RABGAP1: variants seen among roughly 807,000 people sequenced by gnomAD.
RABGAP1 encodes the protein rab GTPase-activating protein 1.
In RABGAP1, 23 loss-of-function variants were observed where a neutral mutation model predicts 137.6. The observed-to-expected ratio is 0.17, with a 90% CI of 0.12 to 0.24. The LOEUF is 0.24. Ranked by LOEUF, RABGAP1 falls within the 10% of genes least tolerant of loss-of-function variation. The pLI, the probability that RABGAP1 is intolerant of heterozygous loss-of-function variation, is 1.00. For synonymous variants in RABGAP1, 451 were observed against 450.7 expected (o/e 1.00, Z -0.01); for missense variants, 906 against 1,275.8 (o/e 0.71, Z 4.42).
intron 13 of RABGAP1, among the ~76,000 whole-genome samples, chr9:123,047,909 C>T (rs1457532579): frequency 8.1e-6 from 1 of 124,088 alleles, no homozygotes; most frequent in East Asian, 2.1e-4. Context: ...AGCCATTTTA[C>T]AGCTGCTGGG....
intron 13 of RABGAP1, among the ~76,000 whole-genome samples, chr9:123,026,640 A>G (rs1052828387): frequency 3.3e-5 from 5 of 152,176 alleles, no homozygotes; most frequent in African/African-American, 9.7e-5. Context: ...CTTAATAAGT[A>G]ATCCACAGAG....
intron 2 of RABGAP1, among the ~76,000 whole-genome samples, chr9:122,961,789 A>G (rs1431273256): frequency 6.6e-6 from 1 of 152,234 alleles, no homozygotes; most frequent in Middle Eastern, 3.4e-3. Context: ...TATAGTATGT[A>G]TATAGTATAT....
At chr9:123,041,062 A>T (rs1466908913) in intron 13 of RABGAP1, among the ~76,000 whole-genome samples, 1 of 152,212 alleles carries the variant, frequency 6.6e-6, no homozygotes, top group Non-Finnish European at 1.5e-5. Context: ...TGGGGTGGGC[A>T]CATGTGTATG....
chr9:123,002,223 C>T (rs1483521236), intron 10 of RABGAP1, among the ~76,000 whole-genome samples: 1 of 151,784 alleles, frequency 6.6e-6, no homozygotes, highest in Non-Finnish European at 1.5e-5. Flanking sequence ...ATTGCTTGAA[C>T]CCGGGAGGTG....
chr9:122,994,168 A>G (rs1218528779), intron 6 of RABGAP1, among the ~76,000 whole-genome samples: 1 of 152,190 alleles, frequency 6.6e-6, no homozygotes, highest in Non-Finnish European at 1.5e-5. Context: ...ATACATTCAC[A>G]TGATGTAGTT....
intron 2 of RABGAP1, among the ~76,000 whole-genome samples, chr9:122,960,842 G>A (rs1834814577): frequency 6.6e-6 from 1 of 152,064 alleles, no homozygotes; most frequent in Non-Finnish European, 1.5e-5. Context: ...ATTTTAAAAA[G>A]AAGCAAATGG....
chr9:123,035,115 G>C (rs1588306844), intron 13 of RABGAP1: 1 of 1,614,072 alleles, frequency 6.2e-7, no homozygotes, highest in East Asian at 2.2e-5. Context: ...GGTGTGCGGA[G>C]TCCTGGCACA....
At chr9:123,003,075 C>T (rs1018521524) in intron 10 of RABGAP1, among the ~76,000 whole-genome samples, 3 of 152,162 alleles carry the variant, frequency 2.0e-5, no homozygotes, top group Admixed American at 1.3e-4. Flanking sequence ...CAACTTTTCG[C>T]TGTCTTAAAG....
At chr9:122,966,270 A>G (rs1835137477) in intron 2 of RABGAP1, among the ~76,000 whole-genome samples, 1 of 152,158 alleles carries the variant, frequency 6.6e-6, no homozygotes, top group Admixed American at 6.5e-5. Context: ...CAGGCCTGTA[A>G]TCCCAGCACT....
rs995501448 is a variant in RABGAP1 at position 123,003,109 on chromosome 9, C to T, written c.1374+4343C>T. On this transcript the variant is annotated intron_variant, in intron 10 of 25. Transcript: ENST00000373647. ...AGCATTTAGAACACTGTTAATCTCA[C>T]CCCTTGTAACTTAATAAACTAAATG... 2.0e-5 allele frequency among the ~76,000 whole-genome samples: 3 copies of T among 152,132 alleles called. No homozygotes were observed. In the East Asian group the frequency reaches 5.8e-4, roughly 29 times the overall value.
intron 6 of RABGAP1, among the ~76,000 whole-genome samples, chr9:122,991,108 G>A (rs1836702032): frequency 6.6e-6 from 1 of 151,662 alleles, no homozygotes; most frequent in African/African-American, 2.4e-5. Flanking sequence ...TGGAATAGAA[G>A]TCAAAACTTA....
intron 13 of RABGAP1, among the ~76,000 whole-genome samples, chr9:123,030,186 C>G (rs895365897): frequency 4.0e-5 from 6 of 151,168 alleles, no homozygotes; most frequent in Non-Finnish European, 7.4e-5. Flanking sequence ...GAGGTTTTAA[C>G]TGACATTTTG....
intron 21 of RABGAP1, among the ~76,000 whole-genome samples, chr9:123,091,833 T>C (rs182819987): frequency 1.3e-5 from 2 of 151,946 alleles, no homozygotes; most frequent in Admixed American, 1.3e-4. Context: ...CAGGGTTGAG[T>C]TTCCTCCTTA....
chr9:122,990,799 ATATATATATATAT>A (rs1836676910), intron 6 of RABGAP1: 13 of 41,798 alleles, frequency 3.1e-4, no homozygotes, highest in African/African-American at 1.5e-3. Context: ...AAAAAAAAAT[ATATATATATATAT>A]ATATATATAT....
At chr9:122,979,320 C>CT (rs958566161) in intron 2 of RABGAP1, among the ~76,000 whole-genome samples, 2 of 152,046 alleles carry the variant, frequency 1.3e-5, no homozygotes, top group African/African-American at 4.8e-5. Context: ...GTGAAATGCC[C>CT]TTTTTAGTTG....
At chr9:123,074,077 C>T (rs1208429241) in intron 16 of RABGAP1, among the ~76,000 whole-genome samples, 1 of 152,130 alleles carries the variant, frequency 6.6e-6, no homozygotes, top group Non-Finnish European at 1.5e-5. Flanking sequence ...TTGGGGATTC[C>T]TCTTTCTTTA....
chr9:123,103,068 C>T, intron 25 of RABGAP1, 23 bp from the exon 26 acceptor site: 1 of 1,611,886 alleles, frequency 6.2e-7, no homozygotes, highest in Non-Finnish European at 8.5e-7. Flanking sequence ...CCAGCATCCT[C>T]ATGCACACTG....
intron 2 of RABGAP1, among the ~76,000 whole-genome samples, chr9:122,959,821 A>T (rs1376490328): frequency 1.3e-5 from 2 of 152,172 alleles, no homozygotes; most frequent in African/African-American, 2.4e-5. Context: ...AAGTGTGACT[A>T]AGAGTTGGGG....
chr9:123,065,882 A>G (rs1160014367), intron 14 of RABGAP1, among the ~76,000 whole-genome samples: 2 of 152,240 alleles, frequency 1.3e-5, no homozygotes, highest in Middle Eastern at 3.2e-3. Context: ...ACTGCAGCAT[A>G]GTAAATGATG....
Sources: allele counts gnomAD v4.1 joint callset (sites outside exome capture counted in the v4.1 genomes callset), GRCh38; gene constraint gnomAD v4.1.1; transcripts MANE v1.5; gene names NCBI Gene and HGNC (gene_info 2026-07-23, HGNC 2026-07-21).